The following S100Z variants were observed in gnomAD, a reference collection of about 807,000 sequenced individuals.
The protein encoded by S100Z is S100 calcium binding protein Z, also known as protein S100-Z.
S100Z carries 11 observed loss-of-function variants against 8.5 expected under a neutral mutation model. The observed-to-expected ratio is 1.30, with a 90% CI of 0.82 to 2.15. The LOEUF (loss-of-function observed/expected upper bound fraction) is 2.15. S100Z is among the 30% of genes most tolerant of loss of function. The pLI is 0.00. For missense variants in S100Z, 126 were observed against 117.9 expected, an observed-to-expected ratio of 1.07 and a Z score of -0.32; for synonymous variants, 34 against 43.8, an observed-to-expected ratio of 0.78 and a Z score of 0.89.
At chr5:76,947,658 A>C in the S100Z span, among the ~76,000 whole-genome samples, 1 of 152,206 alleles carries the variant, frequency 6.6e-6, no homozygotes, top group Non-Finnish European at 1.5e-5. Context: ...TACAGGCATA[A>C]AGACAGACAT....
At chr5:76,883,002 G>A (rs993544681) in intron 4 of S100Z, among the ~76,000 whole-genome samples, 1 of 152,148 alleles carries the variant, frequency 6.6e-6, no homozygotes, top group Non-Finnish European at 1.5e-5. Context: ...ACTAAGGTAA[G>A]GCTTGTCTTG....
chr5:76,918,489 G>C (rs1394933348), intron 4 of S100Z, among the ~76,000 whole-genome samples: 1 of 152,234 alleles, frequency 6.6e-6, no homozygotes, highest in Admixed American at 6.5e-5. Flanking sequence ...TTACAGGAGT[G>C]AGCTACTGTG....
chr5:76,885,194 G>C (rs1309716401), intron 4 of S100Z, among the ~76,000 whole-genome samples: 1 of 152,194 alleles, frequency 6.6e-6, no homozygotes, highest in East Asian at 1.9e-4. Context: ...GAGGACACAG[G>C]CTAAGGGAGA....
intron 3 of S100Z, among the ~76,000 whole-genome samples, chr5:76,875,767 G>A (rs181169003): frequency 4.6e-4 from 70 of 152,224 alleles, no homozygotes; most frequent in African/African-American, 1.4e-3. Context: ...ATTCTGGTGC[G>A]GCAAAGATGT....
At chr5:76,866,506 A>G (rs1453459218) in intron 1 of S100Z, among the ~76,000 whole-genome samples, 1 of 152,162 alleles carries the variant, frequency 6.6e-6, no homozygotes, top group Non-Finnish European at 1.5e-5. Flanking sequence ...TTTACTTACC[A>G]ACTCACACAG....
intron 1 of S100Z, among the ~76,000 whole-genome samples, 180 bp downstream of exon 1, chr5:76,850,335 GGAGAGAGAGA>G (rs1172691001): frequency 9.0e-6 from 1 of 111,004 alleles, no homozygotes; most frequent in Non-Finnish European, 1.8e-5. Flanking sequence ...GGGGGGTGGG[GGAGAGAGAGA>G]GAGAGAGAGA....
chr5:76,883,539 C>T (rs1028447016), intron 4 of S100Z, among the ~76,000 whole-genome samples: 2 of 152,164 alleles, frequency 1.3e-5, no homozygotes, highest in Non-Finnish European at 2.9e-5. Context: ...GAGTTGGTAG[C>T]CTCCTTATTG....
intron 4 of S100Z, among the ~76,000 whole-genome samples, chr5:76,911,509 T>C (rs58005286): frequency 0.13 from 19,140 of 152,042 alleles, 3,372 homozygotes; most frequent in African/African-American, 0.39. Context: ...ACCACACATC[T>C]CAACTTATGT....
At chr5:76,904,192 CT>C (rs1011130285) in intron 4 of S100Z, among the ~76,000 whole-genome samples, 28 of 152,180 alleles carry the variant, frequency 1.8e-4, no homozygotes, top group African/African-American at 6.3e-4. Context: ...TTTGTCCCCC[CT>C]AACCCCACTT....
chr5:76,916,459 ACACT>A (rs1744857255), intron 4 of S100Z, among the ~76,000 whole-genome samples: 1 of 151,898 alleles, frequency 6.6e-6, no homozygotes, highest in African/African-American at 2.4e-5. Context: ...CTTTTGTGAA[ACACT>A]CAACAACAGG....
chr5:76,886,394 T>C (rs1580026539), intron 4 of S100Z, among the ~76,000 whole-genome samples: 3 of 151,442 alleles, frequency 2.0e-5, no homozygotes, highest in East Asian at 3.9e-4. Context: ...GAGAAAGAGG[T>C]TGAGGGATAG....
the S100Z span, among the ~76,000 whole-genome samples, chr5:76,943,585 A>C: frequency 6.6e-6 from 1 of 151,996 alleles, no homozygotes; most frequent in Non-Finnish European, 1.5e-5. Context: ...CCCAGGAGGC[A>C]GAGTGACAGC....
At chr5:76,936,275 A>G in the S100Z span, among the ~76,000 whole-genome samples, 8 of 152,138 alleles carry the variant, frequency 5.3e-5, no homozygotes, top group South Asian at 1.4e-3. Flanking sequence ...ATGTGACATG[A>G]AGAAATCATA....
the S100Z span, among the ~76,000 whole-genome samples, chr5:76,939,401 C>T: frequency 1.3e-5 from 2 of 151,986 alleles, no homozygotes; most frequent in African/African-American, 2.4e-5. Context: ...ATCCGCCTGC[C>T]TCGGCCTCCC....
At chr5:76,859,738 G>A (rs368362749) in intron 1 of S100Z, among the ~76,000 whole-genome samples, 2 of 128,672 alleles carry the variant, frequency 1.6e-5, no homozygotes, top group African/African-American at 6.0e-5. Context: ...CCAAGATTGC[G>A]CCACTGCACT....
intron 4 of S100Z, among the ~76,000 whole-genome samples, chr5:76,911,827 G>T (rs528520277): frequency 1.3e-5 from 2 of 152,154 alleles, no homozygotes; most frequent in African/African-American, 4.8e-5. Context: ...AGCCTATACT[G>T]GCTTATCCTC....
chr5:76,881,267 G>T (rs569036586), intron 4 of S100Z, among the ~76,000 whole-genome samples: 1 of 152,256 alleles, frequency 6.6e-6, no homozygotes, highest in South Asian at 2.1e-4. Flanking sequence ...AAGTGGGAAG[G>T]CCAAACCAAG....
intron 4 of S100Z, among the ~76,000 whole-genome samples, chr5:76,900,121 A>G (rs1360728676): frequency 1.3e-5 from 2 of 152,050 alleles, no homozygotes; most frequent in Non-Finnish European, 2.9e-5. Context: ...TTGGAGCTCC[A>G]TTGTATGTTA....
chr5:76,949,186 A>G, the S100Z span, among the ~76,000 whole-genome samples: 1 of 152,172 alleles, frequency 6.6e-6, no homozygotes, highest in Non-Finnish European at 1.5e-5. Context: ...CAGGAGATCA[A>G]GACCATCCTG....
Sources: gnomAD v4.1 joint callset for allele counts (sites outside exome capture counted in the v4.1 genomes callset) on GRCh38, gnomAD v4.1.1 for gene constraint, MANE v1.5 for transcripts, NCBI Gene and HGNC (gene_info 2026-07-23, HGNC 2026-07-21) for gene names.